BRINP2: variants seen among roughly 807,000 people sequenced by gnomAD.
The protein encoded by BRINP2 is BMP/retinoic acid inducible neural specific 2.
BRINP2 carries 21 observed loss-of-function variants against 69.2 expected under a neutral mutation model. The observed-to-expected ratio is 0.30, with a 90% CI of 0.22 to 0.44. BRINP2 has a LOEUF of 0.44. Ranked by LOEUF, BRINP2 falls within the 20% of genes least tolerant of loss-of-function variation. The pLI is 1.00. For missense variants in BRINP2, 877 were observed against 986.0 expected (o/e 0.89, Z 1.48); for synonymous variants, 380 against 394.1 (o/e 0.96, Z 0.42).
chr1:177,247,746 T>C (rs1402590565), intron 2 of BRINP2, among the ~76,000 whole-genome samples: 2 of 152,230 alleles, frequency 1.3e-5, no homozygotes, highest in African/African-American at 4.8e-5. Context: ...ATGGGTTCCG[T>C]GGCTGCCTTA....
In BRINP2 at chr1:177,203,695, T is replaced by C. The variant is rs1648988085; in HGVS notation, c.-76-26106T>C. 2.0e-5 allele frequency among the ~76,000 whole-genome samples: 3 copies of C among 152,122 alleles called. No individual in the cohort carries two copies. In the South Asian group the frequency reaches 6.2e-4, roughly 31 times the overall value. On this transcript the variant is annotated intron_variant, in intron 1 of 7. Transcript: ENST00000361539. ...TATTGATTTAAGGAACATTTTTGAGTGCCGCTTATGTGTTATTTAATATAA... is the reference window on the plus strand; with the variant it reads ...TATTGATTTAAGGAACATTTTTGAGCGCCGCTTATGTGTTATTTAATATAA...
chr1:177,205,268 G>A (rs1383260993), intron 1 of BRINP2, among the ~76,000 whole-genome samples: 1 of 152,022 alleles, frequency 6.6e-6, no homozygotes, highest in Non-Finnish European at 1.5e-5. Context: ...AGCCTCCTAA[G>A]GAGTTGGGAT....
At chr1:177,196,290 A>T (rs986276187) in intron 1 of BRINP2, among the ~76,000 whole-genome samples, 1 of 152,086 alleles carries the variant, frequency 6.6e-6, no homozygotes, top group Non-Finnish European at 1.5e-5. Context: ...TTCTGCACTG[A>T]CTCGTTTAAG....
intron 1 of BRINP2, among the ~76,000 whole-genome samples, chr1:177,175,219 C>T (rs1648052400): frequency 6.6e-6 from 1 of 152,152 alleles, no homozygotes; most frequent in African/African-American, 2.4e-5. Flanking sequence ...CTCTTGTCTC[C>T]CCTTCTCTCT....
At chr1:177,208,513 A>G (rs1306722931) in intron 1 of BRINP2, among the ~76,000 whole-genome samples, 1 of 152,192 alleles carries the variant, frequency 6.6e-6, no homozygotes, top group Non-Finnish European at 1.5e-5. Flanking sequence ...ACTGCTGGTA[A>G]CTGCCCTTCA....
chr1:177,229,763 A>G (rs559868635), intron 1 of BRINP2, 38 bp from the exon 2 acceptor site: 1 of 1,413,626 alleles, frequency 7.1e-7, no homozygotes, highest in East Asian at 2.4e-5. Flanking sequence ...ATGGGGTAAC[A>G]GGGTGCTCAA....
chr1:177,221,233 G>T (rs972391795), intron 1 of BRINP2, among the ~76,000 whole-genome samples: 1 of 152,182 alleles, frequency 6.6e-6, no homozygotes, highest in African/African-American at 2.4e-5. Context: ...CCTTACAGGG[G>T]TTTGTGCATA....
chr1:177,196,694 A>T (rs1372244360), intron 1 of BRINP2, among the ~76,000 whole-genome samples: 2 of 151,900 alleles, frequency 1.3e-5, no homozygotes, highest in African/African-American at 4.8e-5. Flanking sequence ...AAGCTCTTTG[A>T]GTGTGCTGTA....
intron 1 of BRINP2, among the ~76,000 whole-genome samples, chr1:177,200,202 G>T (rs1331608738): frequency 1.5e-5 from 2 of 137,112 alleles, no homozygotes; most frequent in Non-Finnish European, 1.5e-5. Context: ...TGAGGCAGGA[G>T]AATCGCTTGA....
intron 1 of BRINP2, among the ~76,000 whole-genome samples, chr1:177,191,250 G>C (rs190598193): frequency 1.8e-3 from 272 of 152,324 alleles, no homozygotes; most frequent in African/African-American, 6.2e-3. Context: ...CTAAGTCTTG[G>C]TTTGGGAGTG....
chr1:177,233,686 CTCT>C (rs1331122653), intron 2 of BRINP2, among the ~76,000 whole-genome samples: 31 of 152,200 alleles, frequency 2.0e-4, no homozygotes, highest in South Asian at 2.1e-4. Context: ...ATTGGATCTT[CTCT>C]GGGGCACACT....
intron 2 of BRINP2, among the ~76,000 whole-genome samples, chr1:177,253,864 C>G (rs943507348): frequency 6.6e-6 from 1 of 152,128 alleles, no homozygotes; most frequent in African/African-American, 2.4e-5. Context: ...TTTTATGCAA[C>G]TCTATCATTT....
chr1:177,191,595 C>T (rs1352565148), intron 1 of BRINP2, among the ~76,000 whole-genome samples: 1 of 152,226 alleles, frequency 6.6e-6, no homozygotes, highest in Non-Finnish European at 1.5e-5. Flanking sequence ...GCTAGGATTA[C>T]AGGTGTGTGC....
At position 177,263,175 on chromosome 1, in the gene BRINP2, A is replaced by C. The variant is rs75265817; in HGVS notation, c.669+5791A>C. Among the ~76,000 whole-genome samples the C allele has an allele frequency of 1.9e-3, 292 of 152,328 alleles. 2 individuals are homozygous for C. The highest frequency in any genetic ancestry group is 6.8e-3 in the African/African-American group (284 of 41,578). ...GTCAGGTATAAAGGTTAAAAGTCTA[A>C]GTAGGTTTGACAATTCATTAGGGAA... On this transcript the variant is annotated intron_variant, in intron 4 of 7. Coordinates refer to ENST00000361539, the MANE Select transcript of BRINP2 (RefSeq NM_021165.4).
intron 2 of BRINP2, among the ~76,000 whole-genome samples, chr1:177,246,432 AATG>A: frequency 6.6e-6 from 1 of 152,374 alleles, no homozygotes; most frequent in East Asian, 1.9e-4. Flanking sequence ...ATAGTTGATT[AATG>A]ATATTTTCTC....
intron 1 of BRINP2, 75 bp downstream of exon 1, chr1:177,171,807 C>G (rs1571877498): frequency 1.3e-5 from 2 of 152,118 alleles, no homozygotes; most frequent in East Asian, 1.9e-4. Flanking sequence ...GTAAAGGGAC[C>G]ATTTTGCTCT....
Position 177,281,139 on chromosome 1 carries a change from G to C in BRINP2, c.1963G>C (p.Asp655His), listed in dbSNP as rs771635814. 3 of 1,614,092 alleles carry C rather than the reference G, an allele frequency of 1.9e-6. No homozygotes were observed. In the East Asian group the frequency reaches 6.7e-5, roughly 36 times the overall value. Reference protein sequence around the residue: ...YLRSRIKSLDDSSNETIYYEP... With the variant: ...YLRSRIKSLDHSSNETIYYEP... ...ACGGAGCCGAATCAAGTCCCTGGAT[G>C]ACAGCTCCAATGAGACAATCTACTA... Residue 655 changes from aspartate (D) to histidine (H), a missense_variant, in exon 8 of 8, where the codon GAC becomes CAC. Asp to His is a moderately conservative substitution (Grantham distance 81, BLOSUM62 -1). Coordinates refer to ENST00000361539, the MANE Select transcript of BRINP2 (RefSeq NM_021165.4).
chr1:177,210,753 TAGAG>T (rs1221405027), intron 1 of BRINP2, among the ~76,000 whole-genome samples: 1 of 151,716 alleles, frequency 6.6e-6, no homozygotes. Context: ...GACATCTAAA[TAGAG>T]AATCAAAACT....
chr1:177,185,424 G>C (rs1033021783), intron 1 of BRINP2, among the ~76,000 whole-genome samples: 1 of 152,188 alleles, frequency 6.6e-6, no homozygotes, highest in Non-Finnish European at 1.5e-5. Context: ...ACCACCTACA[G>C]GAGGAGGGTG....
Sources: allele counts gnomAD v4.1 joint callset (sites outside exome capture counted in the v4.1 genomes callset), GRCh38; gene constraint gnomAD v4.1.1; transcripts MANE v1.5; gene names NCBI Gene and HGNC (gene_info 2026-07-23, HGNC 2026-07-21).